Variants in PLS3 observed in about 807,000 individuals in gnomAD.
PLS3 encodes plastin-3.
In PLS3, 11 loss-of-function variants were observed where a neutral mutation model predicts 46.5. That is an observed-to-expected ratio of 0.24 (90% confidence interval 0.15 to 0.39). The LOEUF is 0.39. Ranked by LOEUF, PLS3 falls within the 10% of genes least tolerant of loss-of-function variation. The pLI is 1.00. For synonymous variants in PLS3, 167 were observed against 162.2 expected, an observed-to-expected ratio of 1.03 and a Z score of -0.22; for missense variants, 308 against 461.8, an observed-to-expected ratio of 0.67 and a Z score of 3.05.
At chrX:115,635,131 G>A (rs2074817741) in intron 7 of PLS3, 85 bp downstream of exon 7, 1 of 782,438 alleles carries the variant, frequency 1.3e-6, no homozygotes, top group Non-Finnish European at 1.9e-6. Flanking sequence ...CTTAATGGAG[G>A]TGATTAAATG....
At chrX:115,620,960 C>CT (rs1289162051) in intron 2 of PLS3, among the ~76,000 whole-genome samples, 1 of 109,132 alleles carries the variant, frequency 9.2e-6, no homozygotes, top group Non-Finnish European at 1.9e-5. Flanking sequence ...TCCCAAAGTG[C>CT]TGGGATTACA....
At chrX:115,595,687 CTTTTTTTTTTTTTT>C (rs35860715) in intron 1 of PLS3, among the ~76,000 whole-genome samples, 4 of 82,975 alleles carry the variant, frequency 4.8e-5, no homozygotes, top group African/African-American at 2.0e-4. Flanking sequence ...TATTTTCTTT[CTTTTTTTTTTTTTT>C]TTTTTTGAGA....
At chrX:115,648,162 G>A in intron 15 of PLS3, 145 bp downstream of exon 15, 1 of 439,445 alleles carries the variant, frequency 2.3e-6, no homozygotes, top group South Asian at 4.3e-5. Context: ...ATAAACTGGG[G>A]GCAATAATAC....
intron 2 of PLS3, among the ~76,000 whole-genome samples, chrX:115,621,036 C>T (rs1364187290): frequency 4.7e-5 from 5 of 105,686 alleles, no homozygotes; most frequent in Non-Finnish European, 7.7e-5. Context: ...TTTTTTGAGA[C>T]GGAGTCTCAC....
Position 115,603,895 on chromosome X carries a change from A to G in PLS3, c.-8-6348A>G, listed in dbSNP as rs1397257801. ...ATTGTGAAATCGGGGTTAAACTTTT[A>G]TTCAGCAAGTAATACTTTCTCTTCA... On this transcript the variant is annotated intron_variant, in intron 1 of 15. Transcript: ENST00000355899. 3.6e-5 allele frequency among the ~76,000 whole-genome samples: 4 copies of G among 112,358 alleles called. 1 individual carries two copies. The highest frequency in any genetic ancestry group is 7.5e-5 in the Non-Finnish European group (4 of 53,317).
chrX:115,575,827 G>A (rs782197847), intron 1 of PLS3, among the ~76,000 whole-genome samples: 5 of 111,654 alleles, frequency 4.5e-5, no homozygotes, highest in African/African-American at 1.6e-4. Flanking sequence ...GTTTTCCTTA[G>A]TAGTATTTAT....
intron 1 of PLS3, among the ~76,000 whole-genome samples, chrX:115,597,819 T>A (rs1278738165): frequency 8.9e-6 from 1 of 111,778 alleles, no homozygotes; most frequent in African/African-American, 3.3e-5. Flanking sequence ...TAATGCCTCA[T>A]GAGAAAATAC....
chrX:115,586,565 G>C (rs1381502763), intron 1 of PLS3, among the ~76,000 whole-genome samples: 1 of 104,421 alleles, frequency 9.6e-6, no homozygotes, highest in Non-Finnish European at 2.0e-5. Flanking sequence ...TGTAGTCCCA[G>C]ATACTTGGGA....
At chrX:115,564,731 A>G (rs2074161846) in intron 1 of PLS3, among the ~76,000 whole-genome samples, 1 of 112,608 alleles carries the variant, frequency 8.9e-6, no homozygotes, top group Admixed American at 9.4e-5. Flanking sequence ...AGCATAATCT[A>G]TGTGGAATGT....
chrX:115,568,100 A>AT, intron 1 of PLS3, among the ~76,000 whole-genome samples: 1 of 110,843 alleles, frequency 9.0e-6, no homozygotes, highest in Middle Eastern at 4.8e-3. Flanking sequence ...GAATGTTCCC[A>AT]TTTTTGCCAT....
At chrX:115,632,100 G>A (rs1246484915) in intron 5 of PLS3, among the ~76,000 whole-genome samples, 1 of 110,922 alleles carries the variant, frequency 9.0e-6, no homozygotes, top group East Asian at 2.8e-4. Context: ...CACCGTGCCC[G>A]GCCTCCCTTG....
intron 1 of PLS3, among the ~76,000 whole-genome samples, chrX:115,600,038 T>C (rs1365756490): frequency 8.9e-6 from 1 of 111,814 alleles, no homozygotes; most frequent in Non-Finnish European, 1.9e-5. Context: ...AATGAAGTTA[T>C]GGAACTCTAC....
Position 115,647,928 on chromosome X carries a change from T to A in PLS3, c.1671T>A (p.Asp557Glu). The A allele has an allele frequency of 8.3e-7, 1 of 1,205,028 alleles. No homozygotes were observed. The highest frequency in any genetic ancestry group is 1.1e-6 in the Non-Finnish European group (1 of 889,276). Residue 557 changes from aspartate (D) to glutamate (E), a missense_variant, in exon 15 of 16, where the codon GAT (aspartate) becomes GAA (glutamate). Around this residue, in one of 2 missense-constraint regions of PLS3, gnomAD observed 271 missense variants for 435.7 expected, o/e 0.62. Transcript: ENST00000355899. ...KTISSSLAVV[D>E]LIDAIQPGCI... ...TCAGCTCCAGTTTGGCAGTTGTGGA[T>A]TTAATTGATGCCATCCAGCCAGGCT... is the stretch of plus-strand genomic sequence containing the variant.
At chrX:115,647,415 C>T (rs1233652044) in intron 13 of PLS3, 135 bp from the exon 14 acceptor site, 3 of 594,917 alleles carry the variant, frequency 5.0e-6, no homozygotes, top group Admixed American at 3.5e-5. Flanking sequence ...GCCTGGGCGA[C>T]AGAGCGAGAC....
intron 1 of PLS3, among the ~76,000 whole-genome samples, chrX:115,568,824 A>C (rs1452254748): frequency 4.5e-5 from 5 of 112,180 alleles, no homozygotes; most frequent in African/African-American, 1.6e-4. Flanking sequence ...ACTTGAGGTC[A>C]GGAGTTCAAG....
chrX:115,597,406 T>C (rs2074400315), intron 1 of PLS3, among the ~76,000 whole-genome samples: 1 of 111,056 alleles, frequency 9.0e-6, no homozygotes, highest in African/African-American at 3.3e-5. Flanking sequence ...CATTAAAGAG[T>C]AGACTGATGT....
At chrX:115,617,288 A>G (rs1440994256) in intron 2 of PLS3, among the ~76,000 whole-genome samples, 1 of 111,735 alleles carries the variant, frequency 8.9e-6, no homozygotes, top group South Asian at 3.8e-4. Flanking sequence ...GCCCTCCTTG[A>G]TGGGTGTGTT....
chrX:115,629,866 A>G lies in PLS3; in HGVS notation c.399A>G (p.Ile133Met). 1 of 1,149,968 alleles carries G rather than the reference A, an allele frequency of 8.7e-7. No individual in the cohort carries two copies. Among genetic ancestry groups the G allele is most frequent in the Non-Finnish European group, 1.2e-6 (1 of 843,683 alleles). 94.8% of individuals were successfully genotyped at this position (1,149,968 alleles called of 1,213,427 possible). Residue 133 changes from isoleucine to methionine, a missense_variant, in exon 5 of 16, where the codon ATA becomes ATG. Physicochemically the swap from Ile to Met is conservative, Grantham distance 10. Coordinates refer to ENST00000355899, the MANE Select transcript of PLS3 (RefSeq NM_005032.7). ...AAAAATATGCTTTTGTTAACTGGAT[A>G]AACAAAGCTTTGGAAAATGATCCTG... ...EEEKYAFVNW[I>M]NKALENDPDC...
At chrX:115,645,461 G>T (rs1438167993) in intron 11 of PLS3, among the ~76,000 whole-genome samples, 1 of 109,913 alleles carries the variant, frequency 9.1e-6, no homozygotes, top group African/African-American at 3.3e-5. Context: ...AACAAAGTGA[G>T]ATCCTATCTC....
Sources: allele counts gnomAD v4.1 joint callset (sites outside exome capture counted in the v4.1 genomes callset), GRCh38; gene constraint gnomAD v4.1.1; regional missense constraint gnomAD v4.1.1; transcripts MANE v1.5; gene names NCBI Gene and HGNC (gene_info 2026-07-23, HGNC 2026-07-21).